Variants in DLG2 observed in about 807,000 individuals in gnomAD.
DLG2 encodes disks large homolog 2.
In DLG2, 45 loss-of-function variants were observed where a neutral mutation model predicts 132.5. The ratio of observed to expected loss-of-function variants is 0.34; its 90% CI spans 0.27 to 0.44. The LOEUF (loss-of-function observed/expected upper bound fraction) is 0.44. Among genes scored for constraint, DLG2 ranks in the 20% least tolerant of loss-of-function variants. The pLI is 1.00. For missense variants in DLG2, 1,045 were observed against 1,196.9 expected (o/e 0.87, Z 1.87); for synonymous variants, 424 against 419.6 (o/e 1.01, Z -0.13).
intron 6 of DLG2, among the ~76,000 whole-genome samples, chr11:84,640,978 A>G (rs1407306249): frequency 1.3e-5 from 2 of 151,698 alleles, no homozygotes; most frequent in African/African-American, 4.8e-5. Flanking sequence ...AAAAAAAACA[A>G]CTATTGATTT....
chr11:84,212,225 A>G (rs1372694530), intron 8 of DLG2, among the ~76,000 whole-genome samples: 2 of 152,214 alleles, frequency 1.3e-5, no homozygotes, highest in Non-Finnish European at 2.9e-5. Flanking sequence ...AAAATTGATT[A>G]AACATAATTT....
At chr11:84,672,188 G>A (rs891740264) in intron 6 of DLG2, among the ~76,000 whole-genome samples, 10 of 152,096 alleles carry the variant, frequency 6.6e-5, no homozygotes, top group African/African-American at 1.7e-4. Context: ...AAGACTAAAC[G>A]GAGGATGCTA....
At chr11:84,932,198 C>G (rs1218942999) in intron 6 of DLG2, among the ~76,000 whole-genome samples, 3 of 152,086 alleles carry the variant, frequency 2.0e-5, no homozygotes, top group Admixed American at 2.0e-4. Context: ...TTGCCCATGC[C>G]TATGTCCTGA....
intron 18 of DLG2, among the ~76,000 whole-genome samples, chr11:83,749,467 T>A (rs2093157817): frequency 6.6e-6 from 1 of 152,200 alleles, no homozygotes; most frequent in Non-Finnish European, 1.5e-5. Context: ...AGTTATGATC[T>A]GTGCCATTTG....
chr11:85,011,139 T>C (rs1015968870), intron 6 of DLG2, among the ~76,000 whole-genome samples: 1 of 152,134 alleles, frequency 6.6e-6, no homozygotes, highest in Admixed American at 6.5e-5. Flanking sequence ...GCCTTGAGCA[T>C]TTTAACACCC....
At chr11:83,541,921 T>C (rs2096078057) in intron 19 of DLG2, 63 bp from the exon 20 acceptor site, 2 of 1,474,664 alleles carry the variant, frequency 1.4e-6, no homozygotes, top group Non-Finnish European at 9.1e-7. Context: ...TTAGGATTTA[T>C]GGTTTCAAAT....
rs148939921 is a variant in DLG2, at chr11:84,043,307, C to T, written c.919+16008G>A. On this transcript the variant is annotated intron_variant, in intron 11 of 27. Coordinates refer to ENST00000376104, the MANE Select transcript of DLG2 (RefSeq NM_001142699.3). ...TCTTTTCAATTCATCATCAGATTTA[C>T]ATCTAAAATGATACAAATAACAGTT... is the stretch of plus-strand genomic sequence containing the variant. Among the ~76,000 whole-genome samples the T allele has an allele frequency of 7.3e-5, 11 of 151,710 alleles. No homozygotes were observed. In the East Asian group the frequency reaches 1.7e-3, roughly 24 times the overall value.
intron 2 of DLG2, among the ~76,000 whole-genome samples, chr11:85,620,572 CA>C (rs2081625234): frequency 6.6e-6 from 1 of 152,224 alleles, no homozygotes; most frequent in South Asian, 2.1e-4. Flanking sequence ...AGGGCCACTT[CA>C]GTGAACACAC....
chr11:83,666,436 G>A (rs1003759746), intron 18 of DLG2, among the ~76,000 whole-genome samples: 7 of 152,154 alleles, frequency 4.6e-5, no homozygotes, highest in Non-Finnish European at 1.0e-4. Flanking sequence ...GGAGTGCAAA[G>A]CCTATTGTGA....
chr11:84,147,402 C>G (rs867824926), intron 9 of DLG2, among the ~76,000 whole-genome samples: 3 of 151,896 alleles, frequency 2.0e-5, no homozygotes, highest in Non-Finnish European at 4.4e-5. Flanking sequence ...TTTTAATGCA[C>G]GACAAAACAC....
At chr11:84,499,423 C>A (rs944634945) in intron 7 of DLG2, among the ~76,000 whole-genome samples, 1 of 152,140 alleles carries the variant, frequency 6.6e-6, no homozygotes, top group African/African-American at 2.4e-5. Flanking sequence ...TATCCCATGA[C>A]CTTTACTCTA....
chr11:85,144,349 CTTT>C lies in DLG2; in HGVS notation c.282+10204_282+10206del, dbSNP rs35874789. 6.1e-3 allele frequency among the ~76,000 whole-genome samples: 845 copies of C among 138,060 alleles called. 8 individuals carry two copies. Among genetic ancestry groups the C allele is most frequent in the African/African-American group, 0.018 (696 of 38,198 alleles). 90.6% of individuals were successfully genotyped at this position (138,060 alleles called of 152,430 possible). ...TTTTGTAGGCAGCATATAATTGGGT[CTTT>C]TTTTTTTTTTTTTATCAGTTTAGCC... On this transcript the variant is annotated intron_variant, in intron 5 of 27. Transcript: ENST00000376104.
At chr11:84,903,542 T>G (rs2091157726) in intron 6 of DLG2, among the ~76,000 whole-genome samples, 1 of 152,146 alleles carries the variant, frequency 6.6e-6, no homozygotes, top group Non-Finnish European at 1.5e-5. Flanking sequence ...ATATCCCTGA[T>G]AGTTGGCATT....
chr11:84,782,070 C>G (rs916394830), intron 6 of DLG2, among the ~76,000 whole-genome samples: 1 of 152,066 alleles, frequency 6.6e-6, no homozygotes, highest in Admixed American at 6.6e-5. Flanking sequence ...CAGTATGATT[C>G]TTGGAAATCA....
At chr11:83,792,472 T>C (rs1347785690) in intron 17 of DLG2, among the ~76,000 whole-genome samples, 1 of 152,168 alleles carries the variant, frequency 6.6e-6, no homozygotes, top group Non-Finnish European at 1.5e-5. Context: ...AAGGCTCCCT[T>C]ACCTCCTATT....
intron 3 of DLG2, among the ~76,000 whole-genome samples, chr11:85,404,841 A>G (rs1257335928): frequency 1.3e-5 from 2 of 151,992 alleles, no homozygotes; most frequent in Admixed American, 1.3e-4. Context: ...ATAACGTATC[A>G]CAGAGCAATT....
At chr11:83,739,755 TAGAC>T (rs1291229495) in intron 18 of DLG2, among the ~76,000 whole-genome samples, 1 of 152,104 alleles carries the variant, frequency 6.6e-6, no homozygotes, top group Non-Finnish European at 1.5e-5. Flanking sequence ...GACTGAAAGG[TAGAC>T]AGAAGGTAGC....
At chr11:84,217,840 C>A (rs774887265) in intron 8 of DLG2, among the ~76,000 whole-genome samples, 2 of 152,124 alleles carry the variant, frequency 1.3e-5, no homozygotes, top group Non-Finnish European at 2.9e-5. Context: ...GCTAGCTGTT[C>A]AACAAATTTT....
At chr11:83,872,178 G>A (rs1045336518) in intron 16 of DLG2, among the ~76,000 whole-genome samples, 3 of 152,132 alleles carry the variant, frequency 2.0e-5, no homozygotes, top group Admixed American at 1.3e-4. Flanking sequence ...CCGGAGAATC[G>A]CCTGAACCCA....
Sources: allele counts gnomAD v4.1 joint callset (sites outside exome capture counted in the v4.1 genomes callset), GRCh38; gene constraint gnomAD v4.1.1; transcripts MANE v1.5; gene names NCBI Gene and HGNC (gene_info 2026-07-23, HGNC 2026-07-21).